Variants in PTPN22 observed in about 807,000 individuals in gnomAD.
The protein encoded by PTPN22 is protein tyrosine phosphatase non-receptor type 22, also known as tyrosine-protein phosphatase non-receptor type 22.
A neutral mutation model predicts 103.3 loss-of-function variants in PTPN22; 85 were observed. The ratio of observed to expected loss-of-function variants is 0.82; its 90% CI spans 0.69 to 0.99. The LOEUF is 0.99. PTPN22 is among the 50% of genes least tolerant of loss of function. The pLI, the probability that PTPN22 is intolerant of heterozygous loss-of-function variation, is 0.00. For missense variants in PTPN22, 865 were observed against 936.9 expected (o/e 0.92, Z 1.00); for synonymous variants, 323 against 310.2 (o/e 1.04, Z -0.43).
intron 13 of PTPN22, among the ~76,000 whole-genome samples, chr1:113,836,004 G>T (rs1662984386): frequency 6.6e-6 from 1 of 151,768 alleles, no homozygotes; most frequent in South Asian, 2.1e-4. Context: ...GAAGTTTAAG[G>T]TATAAGAAAA....
chr1:113,869,689 C>T (rs757226912), intron 1 of PTPN22, among the ~76,000 whole-genome samples: 6 of 152,282 alleles, frequency 3.9e-5, no homozygotes, highest in African/African-American at 1.4e-4. Context: ...GCCACTGCCC[C>T]CGGCCAGTCT....
intron 18 of PTPN22, 130 bp downstream of exon 18, chr1:113,829,462 C>T: frequency 2.0e-6 from 1 of 490,298 alleles, no homozygotes; most frequent in Non-Finnish European, 3.5e-6. Context: ...TTAATTTTGA[C>T]TGTTATAATA....
At chr1:113,856,653 C>G (rs945745389) in intron 5 of PTPN22, 34 bp from the exon 6 acceptor site, 1 of 1,613,748 alleles carries the variant, frequency 6.2e-7, no homozygotes, top group African/African-American at 1.3e-5. Context: ...TGATTTCCCT[C>G]CATATATTCT....
At chr1:113,814,930 T>C (rs1571321583) in exon 21 of PTPN22, 1 of 1,609,870 alleles carries the variant, frequency 6.2e-7, no homozygotes, top group East Asian at 2.2e-5. Flanking sequence ...TGGTGGTGGA[T>C]TCCTTGGTCC....
chr1:113,871,478 C>G, intron 1 of PTPN22, 59 bp downstream of exon 1: 1 of 1,445,522 alleles, frequency 6.9e-7, no homozygotes, highest in Non-Finnish European at 9.7e-7. Flanking sequence ...AAATTGGACC[C>G]CCATAGTCAG....
chr1:113,814,486 C>A, exon 21 of PTPN22: 1 of 161,114 alleles, frequency 6.2e-6, no homozygotes, highest in Non-Finnish European at 1.4e-5. Context: ...TATTGCAACC[C>A]ACAAAGTAAG....
intron 3 of PTPN22, among the ~76,000 whole-genome samples, 174 bp downstream of exon 3, chr1:113,858,828 T>C (rs757681151): frequency 1.3e-5 from 2 of 151,812 alleles, no homozygotes; most frequent in Non-Finnish European, 2.9e-5. Flanking sequence ...TTTGTTGAGA[T>C]GGGGTCTCAT....
chr1:113,843,430 A>G (rs924074100), intron 11 of PTPN22, among the ~76,000 whole-genome samples: 8 of 152,224 alleles, frequency 5.3e-5, no homozygotes, highest in African/African-American at 1.7e-4. Flanking sequence ...TAAGCCAGAC[A>G]CAAAAGGACA....
chr1:113,868,974 A>C (rs984734381), intron 1 of PTPN22, among the ~76,000 whole-genome samples: 2 of 152,174 alleles, frequency 1.3e-5, no homozygotes, highest in Non-Finnish European at 2.9e-5. Flanking sequence ...CTATAATCCT[A>C]GTACTTTGGG....
At chr1:113,857,814 T>C in intron 4 of PTPN22, 38 bp from the exon 5 acceptor site, 1 of 1,568,998 alleles carries the variant, frequency 6.4e-7, no homozygotes, top group Non-Finnish European at 8.7e-7. Flanking sequence ...AACATTCATA[T>C]ATAGTTAGAA....
intron 1 of PTPN22, among the ~76,000 whole-genome samples, chr1:113,865,214 A>G (rs1477537744): frequency 5.9e-5 from 9 of 152,284 alleles, no homozygotes; most frequent in African/African-American, 2.2e-4. Flanking sequence ...GAAAACGTAT[A>G]TAAGGAAATG....
intron 1 of PTPN22, among the ~76,000 whole-genome samples, chr1:113,862,813 A>G (rs1481008312): frequency 6.6e-6 from 1 of 152,184 alleles, no homozygotes; most frequent in Non-Finnish European, 1.5e-5. Flanking sequence ...TCAGGACAGA[A>G]GAAGTACAAG....
intron 1 of PTPN22, among the ~76,000 whole-genome samples, chr1:113,865,419 G>A (rs545507816): frequency 1.7e-5 from 1 of 60,586 alleles, no homozygotes; most frequent in Admixed American, 1.2e-4. Context: ...CCATTTCATG[G>A]GTAAAAATGA....
At chr1:113,843,953 G>A (rs1351100895) in intron 11 of PTPN22, among the ~76,000 whole-genome samples, 6 of 152,248 alleles carry the variant, frequency 3.9e-5, no homozygotes, top group South Asian at 2.1e-4. Flanking sequence ...ATTCTGGGCC[G>A]GGTGTGGTGA....
At chr1:113,835,284 C>T (rs1430536932) in intron 13 of PTPN22, among the ~76,000 whole-genome samples, 1 of 152,028 alleles carries the variant, frequency 6.6e-6, no homozygotes, top group Non-Finnish European at 1.5e-5. Flanking sequence ...TTTCGGAGGC[C>T]GAGGCGGGCA....
At chr1:113,829,538 C>G in intron 18 of PTPN22, 54 bp downstream of exon 18, 2 of 1,007,046 alleles carry the variant, frequency 2.0e-6, no homozygotes, top group Non-Finnish European at 2.9e-6. Context: ...GAGGGGGAAA[C>G]TTTCAGTAAG....
intron 20 of PTPN22, among the ~76,000 whole-genome samples, chr1:113,818,514 A>G (rs1221239521): frequency 6.6e-6 from 1 of 152,172 alleles, no homozygotes; most frequent in Non-Finnish European, 1.5e-5. Context: ...ACAAAATTTT[A>G]TGGCAAAAAA....
At chr1:113,822,334 C>A (rs189076580) in intron 19 of PTPN22, among the ~76,000 whole-genome samples, 220 of 152,274 alleles carry the variant, frequency 1.4e-3, no homozygotes, top group African/African-American at 5.2e-3. Flanking sequence ...TTCTGTGAAG[C>A]ATGTTTAAAA....
chr1:113,832,045 A>G (rs1035139163), intron 16 of PTPN22, among the ~76,000 whole-genome samples: 3 of 92,658 alleles, frequency 3.2e-5, no homozygotes, highest in Non-Finnish European at 7.2e-5. Flanking sequence ...AAAATTATCT[A>G]AGGGATTCTA....
Sources: gnomAD v4.1 joint callset for allele counts (sites outside exome capture counted in the v4.1 genomes callset) on GRCh38, gnomAD v4.1.1 for gene constraint, MANE v1.5 for transcripts, NCBI Gene and HGNC (gene_info 2026-07-23, HGNC 2026-07-21) for gene names.